UNC13B: variants seen among roughly 807,000 people sequenced by gnomAD.
The protein encoded by UNC13B is protein unc-13 homolog B.
A neutral mutation model predicts 211.0 loss-of-function variants in UNC13B; 144 were observed. The observed-to-expected ratio is 0.68, with a 90% CI of 0.60 to 0.78. UNC13B has a LOEUF of 0.78. Among genes scored for constraint, UNC13B ranks in the 30% least tolerant of loss-of-function variants. The probability of loss-of-function intolerance (pLI) is 0.00; values close to 1 mark genes in which losing one functional copy is unlikely to be tolerated. For missense variants in UNC13B, 1,777 were observed against 2,002.0 expected (o/e 0.89, Z 2.14); for synonymous variants, 709 against 725.8 (o/e 0.98, Z 0.37).
chr9:35,294,013 G>C (rs988412275), intron 7 of UNC13B, among the ~76,000 whole-genome samples: 1 of 152,080 alleles, frequency 6.6e-6, no homozygotes, highest in Non-Finnish European at 1.5e-5. Flanking sequence ...AAATGTTATT[G>C]AGAGTCCAAT....
intron 11 of UNC13B, among the ~76,000 whole-genome samples, chr9:35,350,527 T>C (rs932098190): frequency 2.6e-5 from 4 of 152,148 alleles, no homozygotes; most frequent in Admixed American, 2.6e-4. Context: ...TTAGAGAGTA[T>C]TAAGTGGAGC....
intron 1 of UNC13B, among the ~76,000 whole-genome samples, chr9:35,179,786 ACT>A (rs530053094): frequency 1.1e-4 from 16 of 152,098 alleles, no homozygotes; most frequent in South Asian, 4.2e-4. Flanking sequence ...ACAGAGTAAG[ACT>A]CTGTTTCAAA....
At chr9:35,324,906 G>A (rs1372607580) in intron 11 of UNC13B, among the ~76,000 whole-genome samples, 2 of 151,910 alleles carry the variant, frequency 1.3e-5, no homozygotes, top group Non-Finnish European at 2.9e-5. Flanking sequence ...ACTACTTCTT[G>A]GACACTCACT....
At chr9:35,396,996 T>C in intron 28 of UNC13B, 59 bp downstream of exon 28, 1 of 1,609,046 alleles carries the variant, frequency 6.2e-7, no homozygotes, top group Non-Finnish European at 8.5e-7. Flanking sequence ...AATTAGCTAT[T>C]GGCAGAAGTT....
Position 35,382,375 on chromosome 9 carries a change from A to T in UNC13B, c.10674A>T (p.Ser3558=), listed in dbSNP as rs747862860. ...YQAMTHFACL[S]SKYMCPGVPA... is the part of the protein sequence containing the mutation. ...TTTTCAGGCACTTTGCATGTTTATC[A>T]TCCAAGTACATGTGTCCTGGTGTGC... Residue 3558 remains serine (S), a synonymous_variant, in exon 21 of 40, where the codon TCA becomes TCT. Coordinates refer to ENST00000635942, the MANE Select transcript of UNC13B (RefSeq NM_001371189.2). 1 of 1,612,706 alleles carries T rather than the reference A, an allele frequency of 6.2e-7. No homozygotes were observed. The highest frequency in any genetic ancestry group is 1.3e-5 in the African/African-American group (1 of 74,912).
At chr9:35,210,041 A>T (rs925659651) in intron 1 of UNC13B, among the ~76,000 whole-genome samples, 2 of 152,150 alleles carry the variant, frequency 1.3e-5, no homozygotes, top group African/African-American at 4.8e-5. Context: ...GGAGTTCAAG[A>T]CCAGCCTGGA....
At chr9:35,271,865 A>G (rs1827900914) in intron 7 of UNC13B, among the ~76,000 whole-genome samples, 1 of 152,232 alleles carries the variant, frequency 6.6e-6, no homozygotes, top group African/African-American at 2.4e-5. Flanking sequence ...CATCCTGGCC[A>G]ACGTGGTGAA....
At chr9:35,217,399 T>G (rs1430134004) in intron 1 of UNC13B, among the ~76,000 whole-genome samples, 1 of 150,858 alleles carries the variant, frequency 6.6e-6, no homozygotes, top group African/African-American at 2.4e-5. Flanking sequence ...TTTTTTTGTT[T>G]TTTTTTTTTT....
At chr9:35,391,361 G>T (rs542599329) in intron 26 of UNC13B, among the ~76,000 whole-genome samples, 1 of 152,094 alleles carries the variant, frequency 6.6e-6, no homozygotes, top group Non-Finnish European at 1.5e-5. Context: ...GCCATTTTAT[G>T]TGTGGTAGTC....
At chr9:35,395,687 C>T (rs1006024135) in intron 26 of UNC13B, among the ~76,000 whole-genome samples, 4 of 152,108 alleles carry the variant, frequency 2.6e-5, no homozygotes, top group African/African-American at 9.7e-5. Context: ...ATGGGTGTGG[C>T]CAGTGCTCCA....
intron 8 of UNC13B, 97 bp downstream of exon 8, chr9:35,296,027 C>CG: frequency 8.6e-7 from 1 of 1,160,020 alleles, no homozygotes; most frequent in South Asian, 1.5e-5. Flanking sequence ...GAAGAGGTAG[C>CG]GTAAGTGTAG....
chr9:35,226,715 C>T (rs920187463), intron 1 of UNC13B, among the ~76,000 whole-genome samples: 2 of 152,332 alleles, frequency 1.3e-5, no homozygotes, highest in African/African-American at 2.4e-5. Flanking sequence ...TCTCCTTCCG[C>T]GTTCCTCTGC....
chr9:35,197,804 C>G (rs895442031), intron 1 of UNC13B, among the ~76,000 whole-genome samples: 2 of 152,098 alleles, frequency 1.3e-5, no homozygotes, highest in Admixed American at 6.5e-5. Flanking sequence ...TGCCTGCTTC[C>G]CCTTTGCCTT....
intron 9 of UNC13B, among the ~76,000 whole-genome samples, chr9:35,310,207 A>G (rs74915592): frequency 0.026 from 3,936 of 152,304 alleles, 171 homozygotes; most frequent in African/African-American, 0.091. Flanking sequence ...GCCTATTAAG[A>G]TAAAATATAC....
Position 35,162,245 on chromosome 9 carries a change from G to A in UNC13B, c.-39G>A. On this transcript the variant is annotated 5_prime_UTR_variant, in exon 1 of 40. Transcript: ENST00000635942. ...GAGAGGAAAGAGGGAGCGGTCCGGC[G>A]CGGCTGGGGCGCGGCAGAGGCTTGC... is the stretch of plus-strand genomic sequence containing the variant. 6.5e-7 allele frequency: 1 copy of A among 1,542,188 alleles called. No homozygotes were observed. Among genetic ancestry groups the A allele is most frequent in the Non-Finnish European group, 8.7e-7 (1 of 1,146,918 alleles).
At chr9:35,262,268 CCTTTTCCTTTTCCTTT>C (rs1183636312) in intron 7 of UNC13B, among the ~76,000 whole-genome samples, 3 of 151,392 alleles carry the variant, frequency 2.0e-5, no homozygotes, top group African/African-American at 4.9e-5. Context: ...CCTTTCCTTT[CCTTTTCCTTTTCCTTT>C]CTTTTCCTTT....
intron 1 of UNC13B, among the ~76,000 whole-genome samples, chr9:35,189,985 T>C (rs1822565329): frequency 6.6e-6 from 1 of 152,166 alleles, no homozygotes; most frequent in Non-Finnish European, 1.5e-5. Flanking sequence ...AGTTTCTTAA[T>C]TGGATTACTC....
chr9:35,338,862 G>A (rs1831817501), intron 11 of UNC13B, among the ~76,000 whole-genome samples: 1 of 152,224 alleles, frequency 6.6e-6, no homozygotes. Flanking sequence ...TAGACCAGTT[G>A]TATCTGACGT....
intron 11 of UNC13B, among the ~76,000 whole-genome samples, chr9:35,350,344 C>G (rs566110041): frequency 8.5e-5 from 13 of 152,144 alleles, no homozygotes; most frequent in Non-Finnish European, 1.8e-4. Flanking sequence ...AACCCTCCCC[C>G]ACATGTCCCA....
Sources: allele counts gnomAD v4.1 joint callset (sites outside exome capture counted in the v4.1 genomes callset), GRCh38; gene constraint gnomAD v4.1.1; transcripts MANE v1.5; gene names NCBI Gene and HGNC (gene_info 2026-07-23, HGNC 2026-07-21).